CLPB: variants seen among roughly 807,000 people sequenced by gnomAD.
CLPB encodes the protein ClpB family mitochondrial disaggregase.
CLPB carries 40 observed loss-of-function variants against 78.4 expected under a neutral mutation model. That is an observed-to-expected ratio of 0.51 (90% CI 0.40 to 0.66). The LOEUF is 0.66. Ranked by LOEUF, CLPB falls within the 30% of genes least tolerant of loss-of-function variation. The pLI is 0.00. For missense variants in CLPB, 780 were observed against 886.9 expected, an observed-to-expected ratio of 0.88 and a Z score of 1.53; for synonymous variants, 333 against 348.0, an observed-to-expected ratio of 0.96 and a Z score of 0.48.
At chr11:72,417,196 T>C (rs549806818) in intron 2 of CLPB, among the ~76,000 whole-genome samples, 41 of 152,350 alleles carry the variant, frequency 2.7e-4, no homozygotes, top group African/African-American at 9.6e-4. Context: ...AATGACATCC[T>C]GTATGGATGT....
intron 4 of CLPB, among the ~76,000 whole-genome samples, chr11:72,374,607 G>A (rs1408347063): frequency 6.6e-6 from 1 of 152,202 alleles, no homozygotes; most frequent in African/African-American, 2.4e-5. Flanking sequence ...TTGCTAAAGA[G>A]CAAATGCTCA....
chr11:72,293,306 A>AT lies in CLPB; in HGVS notation c.*60dup. The AT allele has an allele frequency of 6.3e-7, 1 of 1,578,344 alleles. No homozygotes were observed. The highest frequency in any genetic ancestry group is 1.2e-5 in the South Asian group (1 of 85,436). ...ATGAGGGGAAGGTAAGTCAGTTGCCATGCCACAGCCAAGGGGCCTTTATTG... is the reference window on the plus strand; with the variant it reads ...ATGAGGGGAAGGTAAGTCAGTTGCCATTGCCACAGCCAAGGGGCCTTTATTG... On this transcript the variant is annotated 3_prime_UTR_variant, in exon 16 of 16. Transcript: ENST00000538039.
chr11:72,379,333 G>C (rs1854826427), intron 4 of CLPB, among the ~76,000 whole-genome samples: 1 of 152,188 alleles, frequency 6.6e-6, no homozygotes, highest in African/African-American at 2.4e-5. Flanking sequence ...AATGTCAGAG[G>C]GATCGCAGCC....
intron 6 of CLPB, among the ~76,000 whole-genome samples, chr11:72,319,722 TAA>T (rs1376708954): frequency 7.9e-5 from 12 of 152,214 alleles, no homozygotes; most frequent in Non-Finnish European, 1.5e-4. Context: ...CATTAATATA[TAA>T]GTTCTTAGCA....
At chr11:72,433,377 T>C (rs1333940152) in intron 1 of CLPB, among the ~76,000 whole-genome samples, 3 of 151,700 alleles carry the variant, frequency 2.0e-5, no homozygotes, top group Admixed American at 6.6e-5. Flanking sequence ...GACCAACAAC[T>C]AAAAATACAA....
At chr11:72,336,879 C>T (rs1295978753) in intron 5 of CLPB, 1 of 389,172 alleles carries the variant, frequency 2.6e-6, no homozygotes, top group Non-Finnish European at 4.5e-6. Flanking sequence ...CGCTCAGCTC[C>T]ACTCTGTCCC....
intron 7 of CLPB, among the ~76,000 whole-genome samples, chr11:72,313,268 G>C (rs1466209766): frequency 1.3e-5 from 2 of 152,148 alleles, no homozygotes. Context: ...TAGGTTCAAG[G>C]AACATGGTAA....
At chr11:72,408,490 AC>A (rs962345627) in intron 2 of CLPB, among the ~76,000 whole-genome samples, 1 of 151,806 alleles carries the variant, frequency 6.6e-6, no homozygotes, top group African/African-American at 2.4e-5. Flanking sequence ...ACACGGTGAA[AC>A]CCTGTCTCTA....
At chr11:72,313,403 TTA>T (rs1339825937) in intron 7 of CLPB, among the ~76,000 whole-genome samples, 1 of 152,192 alleles carries the variant, frequency 6.6e-6, no homozygotes, top group Non-Finnish European at 1.5e-5. Flanking sequence ...TGCCAAGTGG[TTA>T]ACAACTTAAA....
At chr11:72,383,505 TG>T (rs1854982503) in intron 3 of CLPB, among the ~76,000 whole-genome samples, 1 of 139,592 alleles carries the variant, frequency 7.2e-6, no homozygotes, top group African/African-American at 2.7e-5. Context: ...CATTCCAGCC[TG>T]GGCGACAGAG....
At chr11:72,406,149 G>A (rs1855702864) in intron 2 of CLPB, among the ~76,000 whole-genome samples, 1 of 152,122 alleles carries the variant, frequency 6.6e-6, no homozygotes, top group Non-Finnish European at 1.5e-5. Flanking sequence ...GGGATAAGAA[G>A]ACCAGTTTGG....
intron 2 of CLPB, among the ~76,000 whole-genome samples, chr11:72,426,344 C>T (rs1378809741): frequency 6.6e-6 from 1 of 152,054 alleles, no homozygotes. Flanking sequence ...TGAGCCTGGA[C>T]AGATGTGCCT....
Position 72,307,246 on chromosome 11 carries a change from C to T in CLPB, c.1075G>A (p.Glu359Lys). The T allele has an allele frequency of 6.2e-7, 1 of 1,614,064 alleles. No homozygotes were observed. Among genetic ancestry groups the T allele is most frequent in the Middle Eastern group, 1.7e-4 (1 of 6,010 alleles). Residue 359 changes from glutamate to lysine, a missense_variant, in exon 9 of 16, where the codon GAG becomes AAG. By Grantham distance (56) the Glu-to-Lys change is moderately conservative. Coordinates refer to ENST00000538039, the MANE Select transcript of CLPB (RefSeq NM_001258392.3). Reference protein sequence around the residue: ...FLGSSGIGKTELAKQTAKYMH... With the variant: ...FLGSSGIGKTKLAKQTAKYMH... ...TATTTGGCTGTCTGCTTGGCCAGCTCTGTTTTTCCTAGTAAGAAAGAAGGG... is the reference window on the plus strand; with the variant it reads ...TATTTGGCTGTCTGCTTGGCCAGCTTTGTTTTTCCTAGTAAGAAAGAAGGG...
chr11:72,311,239 G>A (rs901722440), intron 7 of CLPB, among the ~76,000 whole-genome samples: 3 of 152,086 alleles, frequency 2.0e-5, no homozygotes, highest in African/African-American at 7.2e-5. Context: ...CAAGGCTATG[G>A]GCCTTGAGGA....
intron 4 of CLPB, 192 bp from the exon 5 acceptor site, chr11:72,359,200 T>A (rs762582671): frequency 2.7e-6 from 2 of 746,056 alleles, no homozygotes; most frequent in South Asian, 2.9e-5. Flanking sequence ...AGTTCCACAA[T>A]GTTTACTGAC....
chr11:72,305,337 G>C (rs1177521575), intron 9 of CLPB, among the ~76,000 whole-genome samples: 1 of 152,234 alleles, frequency 6.6e-6, no homozygotes. Context: ...CTTCCCCATA[G>C]GATCAAATGG....
intron 4 of CLPB, among the ~76,000 whole-genome samples, chr11:72,360,523 C>T (rs972915028): frequency 6.6e-6 from 1 of 152,108 alleles, no homozygotes; most frequent in Non-Finnish European, 1.5e-5. Context: ...TCAATGCAGC[C>T]TCTACCTCGG....
At chr11:72,372,890 A>G in intron 4 of CLPB, 1 of 1,561,918 alleles carries the variant, frequency 6.4e-7, no homozygotes, top group Non-Finnish European at 8.8e-7. Flanking sequence ...TGTCCTGGGG[A>G]GGGGGAGAAA....
chr11:72,389,778 T>C (rs1482917098), intron 3 of CLPB, among the ~76,000 whole-genome samples: 2 of 151,978 alleles, frequency 1.3e-5, no homozygotes, highest in Non-Finnish European at 2.9e-5. Context: ...AATTAAAAAT[T>C]AGCCAGGTGT....
Sources: gnomAD v4.1 joint callset for allele counts (sites outside exome capture counted in the v4.1 genomes callset) on GRCh38, gnomAD v4.1.1 for gene constraint, MANE v1.5 for transcripts, NCBI Gene and HGNC (gene_info 2026-07-23, HGNC 2026-07-21) for gene names.